The following C1QTNF9B variants were observed in gnomAD, a reference collection of about 807,000 sequenced individuals.
The protein encoded by C1QTNF9B is complement C1q and tumor necrosis factor-related protein 9B.
Under a neutral mutation model 10.1 loss-of-function variants are expected in C1QTNF9B, and 9 were observed. That is an observed-to-expected ratio of 0.89 (90% CI 0.53 to 1.55). The LOEUF (loss-of-function observed/expected upper bound fraction) is 1.55, where lower values mean the gene tolerates loss of function less well. Among genes scored for constraint, C1QTNF9B ranks in the 40% most tolerant of loss-of-function variants. C1QTNF9B has a pLI of 0.00. For missense variants in C1QTNF9B, 196 were observed against 414.4 expected, an observed-to-expected ratio of 0.47 and a Z score of 4.58; for synonymous variants, 79 against 159.9, an observed-to-expected ratio of 0.49 and a Z score of 3.82.
chr13:23,895,893 A>G (rs1445941579), intron 1 of C1QTNF9B, among the ~76,000 whole-genome samples: 3 of 152,140 alleles, frequency 2.0e-5, no homozygotes, highest in Non-Finnish European at 2.9e-5. Context: ...AACAGTCTCA[A>G]TGAGCTGGAG....
chr13:23,892,780 T>C (rs1872061450), intron 2 of C1QTNF9B, among the ~76,000 whole-genome samples: 1 of 152,124 alleles, frequency 6.6e-6, no homozygotes, highest in African/African-American at 2.4e-5. Context: ...ACATTAGAAA[T>C]TACAACCCTA....
At chr13:23,892,675 A>G (rs927810541) in intron 2 of C1QTNF9B, among the ~76,000 whole-genome samples, 3 of 152,088 alleles carry the variant, frequency 2.0e-5, no homozygotes, top group Admixed American at 6.5e-5. Context: ...ATAAAAGTCA[A>G]TTACTCCAAT....
At chr13:23,894,540 G>C (rs1872132265) in intron 1 of C1QTNF9B, 2 of 558,828 alleles carry the variant, frequency 3.6e-6, no homozygotes. Flanking sequence ...CTGCGACAAG[G>C]ACTTGGGACG....
intron 1 of C1QTNF9B, 198 bp from the exon 4 acceptor site, chr13:23,894,399 G>C (rs1291941996): frequency 2.7e-5 from 17 of 638,682 alleles, no homozygotes; most frequent in Non-Finnish European, 4.3e-5. Context: ...TGGGATAAGT[G>C]ACCTAAGAAA....
At chr13:23,896,752 T>C (rs1333457183) in intron 1 of C1QTNF9B, 69 bp downstream of exon 3, 32 of 1,594,110 alleles carry the variant, frequency 2.0e-5, no homozygotes, top group Non-Finnish European at 2.7e-5. Context: ...ACCACACAGA[T>C]GATGAGTGAA....
intron 2 of C1QTNF9B, among the ~76,000 whole-genome samples, chr13:23,893,762 G>T (rs2137566590): frequency 6.6e-6 from 1 of 152,338 alleles, no homozygotes. Flanking sequence ...GAGGCATGGT[G>T]CTCGGCCATG....
chr13:23,895,593 G>A (rs879372960), intron 1 of C1QTNF9B, among the ~76,000 whole-genome samples: 4 of 152,100 alleles, frequency 2.6e-5, no homozygotes, highest in Non-Finnish European at 5.9e-5. Context: ...AATTCAACAC[G>A]GAAGAGGTAG....
At chr13:23,897,252 A>G (rs943881350), upstream of C1QTNF9B, 9 of 499,024 alleles carry the variant, frequency 1.8e-5, no homozygotes, top group East Asian at 3.0e-5. Context: ...AAAAAAGCCA[A>G]GTTTAAGGTC....
rs376075141 is a variant in C1QTNF9B, at chr13:23,891,276, A to C, written c.*13T>G. 2.0e-6 allele frequency: 3 copies of C among 1,494,476 alleles called. No homozygotes were observed. The African/African-American group carries it at 4.3e-5, about 21-fold the overall frequency. 92.6% of individuals were successfully genotyped at this position (1,494,476 alleles called of 1,614,324 possible). ...CTGATGGATGGTCTGGCAGATTTATAAACTCTCCTCTGTCACTGGCTGCTG... is the reference window on the plus strand; with the variant it reads ...CTGATGGATGGTCTGGCAGATTTATCAACTCTCCTCTGTCACTGGCTGCTG... On this transcript the variant is annotated 3_prime_UTR_variant, in exon 3 of 3. Coordinates refer to ENST00000382137, the Ensembl canonical transcript of C1QTNF9B.
At chr13:23,897,066 G>A (rs1455966538), upstream of C1QTNF9B, 3 of 1,586,824 alleles carry the variant, frequency 1.9e-6, no homozygotes, top group Non-Finnish European at 2.6e-6. Context: ...CCTGGACACA[G>A]CCTCCGTTCT....
At chr13:23,894,059 G>C in intron 2 of C1QTNF9B, 80 bp downstream of exon 4, 1 of 1,371,884 alleles carries the variant, frequency 7.3e-7, no homozygotes, top group East Asian at 2.3e-5. Context: ...ATTATAATCA[G>C]CATGGAGGAC....
chr13:23,895,254 G>C (rs1483658682), intron 1 of C1QTNF9B, among the ~76,000 whole-genome samples: 2 of 151,852 alleles, frequency 1.3e-5, no homozygotes, highest in African/African-American at 4.8e-5. Flanking sequence ...CTCTAGAGCA[G>C]TGGCCTCTGA....
exon 3 of C1QTNF9B, chr13:23,891,539 A>T (rs1225199201): frequency 2.0e-5 from 32 of 1,608,106 alleles, no homozygotes; most frequent in Non-Finnish European, 2.6e-5. Flanking sequence ...GTGGTAGGTG[A>T]AGTAATAGAC....
At chr13:23,891,205 A>T in exon 3 of C1QTNF9B, 1 of 1,215,026 alleles carries the variant, frequency 8.2e-7, no homozygotes, top group Non-Finnish European at 1.1e-6. Context: ...TAATTGGAGG[A>T]ATTAATAAAG....
chr13:23,896,994 A>T (rs1872227943), exon 1 of C1QTNF9B: 2 of 1,613,758 alleles, frequency 1.2e-6, no homozygotes, highest in Non-Finnish European at 1.7e-6. Flanking sequence ...CATGGTTCAG[A>T]TGACAGACTG....
chr13:23,891,784 C>T (rs149088238), exon 3 of C1QTNF9B: 1,271 of 1,613,970 alleles, frequency 7.9e-4, no homozygotes, highest in Non-Finnish European at 1.0e-3. Flanking sequence ...CCTGGGGCCC[C>T]GTGGGTCCAG....
chr13:23,895,186 T>C lies in C1QTNF9B; in HGVS notation c.167-985A>G, dbSNP rs544092742. Among the ~76,000 whole-genome samples, 121 of 152,038 alleles carry C rather than the reference T, an allele frequency of 8.0e-4. 1 individual carries two copies. In the South Asian group the frequency reaches 0.022, roughly 28 times the overall value. Reference sequence around the variant, plus strand: ...CCCTCCCCTCTACTGGCTGCTCCCCTGTGTCTTCCTCTCCTTCCCTCTTTT... The same window carrying C: ...CCCTCCCCTCTACTGGCTGCTCCCCCGTGTCTTCCTCTCCTTCCCTCTTTT... On this transcript the variant is annotated intron_variant, in intron 1 of 2. Coordinates refer to ENST00000382137, the Ensembl canonical transcript of C1QTNF9B.
At chr13:23,893,718 C>T (rs1338889578) in intron 2 of C1QTNF9B, among the ~76,000 whole-genome samples, 2 of 152,182 alleles carry the variant, frequency 1.3e-5, no homozygotes, top group African/African-American at 4.8e-5. Flanking sequence ...GATTCTCTTA[C>T]CTGGGCCTCC....
intron 1 of C1QTNF9B, among the ~76,000 whole-genome samples, chr13:23,896,213 T>G (rs1229781212): frequency 2.0e-5 from 3 of 152,036 alleles, no homozygotes; most frequent in Admixed American, 6.6e-5. Flanking sequence ...AGAAACCAAG[T>G]CTATTGGTTG....
Sources: allele counts gnomAD v4.1 joint callset (sites outside exome capture counted in the v4.1 genomes callset), GRCh38; gene constraint gnomAD v4.1.1; transcripts MANE v1.5; gene names NCBI Gene and HGNC (gene_info 2026-07-23, HGNC 2026-07-21).